Variants in TSNARE1 observed in about 807,000 individuals in gnomAD.
TSNARE1 encodes t-SNARE domain containing 1.
TSNARE1 carries 49 observed loss-of-function variants against 62.0 expected under a neutral mutation model. That is an observed-to-expected ratio of 0.79 (90% CI 0.63 to 1.00). The LOEUF is 1.00. TSNARE1 is among the 50% of genes least tolerant of loss of function. The pLI is 0.00. For synonymous variants in TSNARE1, 328 were observed against 294.4 expected (o/e 1.11, Z -1.17); for missense variants, 755 against 700.1 (o/e 1.08, Z -0.88).
rs575604676 is a variant in TSNARE1, at chr8:142,238,415, C to T, written c.1447-8836G>A. 5.9e-5 allele frequency among the ~76,000 whole-genome samples: 9 copies of T among 152,224 alleles called. No homozygotes were observed. In the East Asian group the frequency reaches 1.4e-3, roughly 23 times the overall value. On this transcript the variant is annotated intron_variant, in intron 12 of 13. Transcript: ENST00000524325. The stretch of plus-strand genomic sequence containing the variant: ...TGCCACAAGTCAGGAGCTAGGGACA[C>T]GGAAGGAATAAAACCCTGCCGCTGA...
At position 142,333,057 on chromosome 8, in the gene TSNARE1, C is replaced by G. The variant is rs538465809; in HGVS notation, c.746-1226G>C. On this transcript the variant is annotated intron_variant, in intron 4 of 13. Coordinates refer to ENST00000524325, the MANE Select transcript of TSNARE1 (RefSeq NM_145003.5). Reference sequence around the variant, plus strand: ...GAACGGGGCGAAGGTCGAGAACGACCAAGGCAATCCCCGGGGCCTCTGGGC... The same window carrying G: ...GAACGGGGCGAAGGTCGAGAACGACGAAGGCAATCCCCGGGGCCTCTGGGC... Among the ~76,000 whole-genome samples, 7 of 152,312 alleles carry G rather than the reference C, an allele frequency of 4.6e-5. No homozygotes were observed. In the South Asian group the frequency reaches 1.4e-3, roughly 32 times the overall value.
intron 10 of TSNARE1, among the ~76,000 whole-genome samples, chr8:142,295,140 G>A (rs781434158): frequency 2.7e-4 from 41 of 152,160 alleles, no homozygotes; most frequent in Non-Finnish European, 5.0e-4. Flanking sequence ...GGGACCCCTC[G>A]AGCCTTCTCC....
At chr8:142,318,776 C>T (rs577854790) in intron 6 of TSNARE1, 142 bp from the exon 7 acceptor site, 15 of 696,702 alleles carry the variant, frequency 2.2e-5, no homozygotes, top group African/African-American at 1.6e-4. Flanking sequence ...GAGAGAGGGC[C>T]GAGAGACACA....
At chr8:142,346,777 G>T in intron 2 of TSNARE1, among the ~76,000 whole-genome samples, 1 of 152,242 alleles carries the variant, frequency 6.6e-6, no homozygotes, top group East Asian at 1.9e-4. Flanking sequence ...TGAGCCAAGC[G>T]CCTGAAGCAG....
intron 12 of TSNARE1, chr8:142,269,347 C>G: frequency 1.3e-6 from 1 of 789,626 alleles, no homozygotes; most frequent in Non-Finnish European, 1.5e-6. Context: ...CAATGTGCAA[C>G]TGCAGTCAGG....
intron 11 of TSNARE1, chr8:142,276,572 C>A (rs950752993): frequency 1.0e-6 from 1 of 985,416 alleles, no homozygotes; most frequent in Non-Finnish European, 1.2e-6. Context: ...GTGGTCTGGG[C>A]TAACACAGGT....
rs139117582 is a variant in TSNARE1, at chr8:142,229,566, T to G, written c.1460A>C (p.Lys487Thr). ...AGCTGATAGGAAGCAGCACTTGATC[T>G]TGTGTCTCTGGAGCTGGGAGAGAGA... Reference protein sequence around the residue: ...GASRHQLQRHKIKCCFLSAGV... With the variant: ...GASRHQLQRHTIKCCFLSAGV... Residue 487 changes from lysine (K) to threonine (T), a missense_variant, in exon 13 of 14, where the codon AAG (lysine) becomes ACG (threonine). Transcript: ENST00000524325. The G allele has an allele frequency of 1.6e-5, 26 of 1,613,906 alleles. No individual in the cohort carries two copies. In the African/African-American group the frequency reaches 3.3e-4, roughly 21 times the overall value.
chr8:142,274,467 G>A, intron 12 of TSNARE1: 1 of 985,490 alleles, frequency 1.0e-6, no homozygotes, highest in Non-Finnish European at 1.2e-6. Context: ...TCTGGCACAG[G>A]AGGTGGAGCG....
intron 13 of TSNARE1, among the ~76,000 whole-genome samples, chr8:142,227,689 C>T (rs1816906802): frequency 6.6e-6 from 1 of 152,256 alleles, no homozygotes; most frequent in African/African-American, 2.4e-5. Context: ...TGTTGCGGGA[C>T]GAGCTGACTG....
At chr8:142,346,701 C>A (rs1351414938) in intron 2 of TSNARE1, among the ~76,000 whole-genome samples, 1 of 152,250 alleles carries the variant, frequency 6.6e-6, no homozygotes, top group Non-Finnish European at 1.5e-5. Flanking sequence ...GGCTTGGAAG[C>A]GCTTTCCAGC....
At chr8:142,270,748 T>A (rs1410403424) in intron 12 of TSNARE1, 1 of 985,274 alleles carries the variant, frequency 1.0e-6, no homozygotes, top group Non-Finnish European at 1.2e-6. Context: ...CCACCTCCCC[T>A]GCTTCCAGGG....
In TSNARE1 at chr8:142,310,408, C is replaced by T. The variant is rs150791267; in HGVS notation, c.1131+3976G>A. ...CCAGTCCTCATCATCACCGTTCCAC[C>T]GTCGACGTTAACCTGGGCGCAGCCA... On this transcript the variant is annotated intron_variant, in intron 9 of 13. Transcript: ENST00000524325. Among the ~76,000 whole-genome samples the T allele has an allele frequency of 5.5e-3, 836 of 152,282 alleles. 6 individuals carry two copies. Among genetic ancestry groups the T allele is most frequent in the African/African-American group, 0.019 (803 of 41,558 alleles).
chr8:142,388,239 T>C (rs977073269), intron 1 of TSNARE1, among the ~76,000 whole-genome samples: 1 of 151,998 alleles, frequency 6.6e-6, no homozygotes, highest in Non-Finnish European at 1.5e-5. Flanking sequence ...AAAGAAAACA[T>C]GAAATAAAAT....
At chr8:142,354,784 AGGG>A (rs771226766) in intron 1 of TSNARE1, 21 bp from the exon 2 acceptor site, 107 of 1,311,952 alleles carry the variant, frequency 8.2e-5, no homozygotes, top group Non-Finnish European at 1.2e-4. Flanking sequence ...CACGAAAAGC[AGGG>A]GGAAGAGGGG....
intron 1 of TSNARE1, among the ~76,000 whole-genome samples, chr8:142,380,873 C>T (rs1321608787): frequency 1.3e-5 from 2 of 152,180 alleles, no homozygotes; most frequent in African/African-American, 2.4e-5. Context: ...AGATAAAGTC[C>T]TTTTAAGAAA....
intron 1 of TSNARE1, among the ~76,000 whole-genome samples, chr8:142,384,610 A>G (rs536642955): frequency 2.2e-4 from 33 of 152,218 alleles, no homozygotes; most frequent in Non-Finnish European, 4.1e-4. Flanking sequence ...ATGGTGCTGG[A>G]AAGACTGGAT....
At chr8:142,324,732 C>A (rs905144130) in intron 6 of TSNARE1, among the ~76,000 whole-genome samples, 1 of 152,196 alleles carries the variant, frequency 6.6e-6, no homozygotes, top group Non-Finnish European at 1.5e-5. Flanking sequence ...AGGACCAGCC[C>A]AGGCTCCCTG....
At chr8:142,301,710 G>A (rs1209077670) in intron 9 of TSNARE1, among the ~76,000 whole-genome samples, 1 of 152,192 alleles carries the variant, frequency 6.6e-6, no homozygotes, top group East Asian at 1.9e-4. Context: ...CCGAGAATGG[G>A]CAGAGCAGAA....
At chr8:142,258,320 T>C (rs1398777135) in intron 12 of TSNARE1, among the ~76,000 whole-genome samples, 1 of 152,158 alleles carries the variant, frequency 6.6e-6, no homozygotes, top group South Asian at 2.1e-4. Flanking sequence ...TGCAGGCATA[T>C]GTAAATGCAC....
Sources: gnomAD v4.1 joint callset for allele counts (sites outside exome capture counted in the v4.1 genomes callset) on GRCh38, gnomAD v4.1.1 for gene constraint, MANE v1.5 for transcripts, NCBI Gene and HGNC (gene_info 2026-07-23, HGNC 2026-07-21) for gene names.